Variants in COMMD1 observed in about 807,000 individuals in gnomAD.
COMMD1 encodes copper metabolism domain containing 1.
A neutral mutation model predicts 17.2 loss-of-function variants in COMMD1; 10 were observed. That is an observed-to-expected ratio of 0.58 (90% CI 0.36 to 0.99). The LOEUF (loss-of-function observed/expected upper bound fraction) is 0.99. COMMD1 is among the 50% of genes least tolerant of loss of function. COMMD1 has a pLI of 0.01. For missense variants in COMMD1, 270 were observed against 231.8 expected (o/e 1.17, Z -1.07); for synonymous variants, 97 against 91.6 (o/e 1.06, Z -0.34).
chr2:61,888,793 G>GA (rs1309121409), exon 1 of COMMD1: 3 of 481,002 alleles, frequency 6.2e-6, no homozygotes, highest in Non-Finnish European at 1.1e-5. Context: ...AGCGCCGGGG[G>GA]AACCTTTACG....
At chr2:62,047,079 A>G (rs1420303823) in intron 2 of COMMD1, among the ~76,000 whole-genome samples, 4 of 152,194 alleles carry the variant, frequency 2.6e-5, no homozygotes, top group Admixed American at 1.3e-4. Flanking sequence ...GTCCCTTACA[A>G]TCTGGTTGGG....
At chr2:62,020,353 G>A (rs1347545201) in intron 2 of COMMD1, among the ~76,000 whole-genome samples, 6 of 152,170 alleles carry the variant, frequency 3.9e-5, no homozygotes, top group Non-Finnish European at 5.9e-5. Context: ...AATTCATTAT[G>A]GCTCTTAGCT....
chr2:61,972,682 C>G (rs1452457102), intron 1 of COMMD1, among the ~76,000 whole-genome samples: 1 of 152,204 alleles, frequency 6.6e-6, no homozygotes, highest in South Asian at 2.1e-4. Flanking sequence ...AGGCAAACAT[C>G]AGGCAAATCT....
At chr2:62,103,876 T>C (rs1472400452) in intron 2 of COMMD1, among the ~76,000 whole-genome samples, 1 of 152,128 alleles carries the variant, frequency 6.6e-6, no homozygotes, top group Non-Finnish European at 1.5e-5. Context: ...GGTCTGGCTC[T>C]CTCACCCACG....
At chr2:62,078,606 T>C (rs962320763) in intron 2 of COMMD1, among the ~76,000 whole-genome samples, 3 of 146,026 alleles carry the variant, frequency 2.1e-5, no homozygotes, top group African/African-American at 7.6e-5. Flanking sequence ...CGGTGGCTCA[T>C]GCTTGTAATC....
At chr2:61,896,395 G>A (rs1669548801) in intron 1 of COMMD1, among the ~76,000 whole-genome samples, 1 of 151,894 alleles carries the variant, frequency 6.6e-6, no homozygotes, top group Non-Finnish European at 1.5e-5. Context: ...AGATCAGCCT[G>A]GGCAACATAG....
chr2:62,093,548 A>G, intron 2 of COMMD1, among the ~76,000 whole-genome samples: 1 of 152,182 alleles, frequency 6.6e-6, no homozygotes, highest in Non-Finnish European at 1.5e-5. Flanking sequence ...TGAGGGGTAG[A>G]TGCTTACTGA....
intron 1 of COMMD1, among the ~76,000 whole-genome samples, chr2:61,991,398 A>G (rs751529173): frequency 2.0e-5 from 3 of 152,218 alleles, no homozygotes; most frequent in Non-Finnish European, 2.9e-5. Flanking sequence ...TTGATACAGT[A>G]TGAATGCTTG....
At chr2:61,961,209 T>A (rs1165064233) in intron 1 of COMMD1, among the ~76,000 whole-genome samples, 1 of 152,250 alleles carries the variant, frequency 6.6e-6, no homozygotes, top group Non-Finnish European at 1.5e-5. Context: ...TCAGTAGCTG[T>A]CCAGCCACCA....
intron 1 of COMMD1, among the ~76,000 whole-genome samples, chr2:61,962,800 T>G (rs756433709): frequency 1.1e-4 from 16 of 152,142 alleles, no homozygotes; most frequent in Non-Finnish European, 1.9e-4. Flanking sequence ...TTTGGGCCCC[T>G]CCCAGACCTT....
intron 2 of COMMD1, among the ~76,000 whole-genome samples, chr2:62,106,760 C>T (rs912438070): frequency 1.3e-5 from 2 of 152,024 alleles, no homozygotes; most frequent in Admixed American, 6.5e-5. Context: ...CTGTATACTG[C>T]AGAAGTTTTC....
intron 2 of COMMD1, among the ~76,000 whole-genome samples, chr2:62,121,362 A>C (rs2104074567): frequency 2.1e-5 from 2 of 95,534 alleles, no homozygotes. Flanking sequence ...AGAGTGAGAG[A>C]CTCTTTCTCA....
chr2:62,134,261 G>A (rs1673125277), intron 2 of COMMD1, among the ~76,000 whole-genome samples: 1 of 152,188 alleles, frequency 6.6e-6, no homozygotes, highest in African/African-American at 2.4e-5. Context: ...CTTTTCAGTA[G>A]TTAGGAAAAT....
Position 61,951,742 on chromosome 2 carries a change from T to C in COMMD1, c.180+45884T>C, listed in dbSNP as rs147584606. On this transcript the variant is annotated intron_variant, in intron 1 of 2. Coordinates refer to ENST00000311832, the MANE Select transcript of COMMD1 (RefSeq NM_152516.4). The stretch of plus-strand genomic sequence containing the variant: ...GATATTCAACATGATAGCGAACATA[T>C]CTATCACTCCCAAAAATTTCTCCAG... 2.4e-4 allele frequency among the ~76,000 whole-genome samples: 36 copies of C among 152,272 alleles called. No individual in the cohort carries two copies. The East Asian group carries it at 6.6e-3, about 28-fold the overall frequency.
Position 62,001,104 on chromosome 2 carries a change from C to G in COMMD1, c.462+122C>G, listed in dbSNP as rs895001595. The G allele has an allele frequency of 1.5e-5, 15 of 996,926 alleles. No homozygotes were observed. In the East Asian group the frequency reaches 3.6e-4, roughly 24 times the overall value. The allele number at this position is 996,926 out of a possible 1,614,324, so 61.8% of individuals were successfully genotyped here. On this transcript the variant is annotated intron_variant, in intron 2 of 2. Coordinates refer to ENST00000311832, the MANE Select transcript of COMMD1 (RefSeq NM_152516.4). ...GGAAAAGACACTGTTTCCTAGAATC[C>G]TTTTTCAGAGGTAGAATCATCTGAA...
chr2:62,067,077 C>T (rs890660425), intron 2 of COMMD1, among the ~76,000 whole-genome samples: 5 of 151,810 alleles, frequency 3.3e-5, no homozygotes, highest in East Asian at 2.0e-4. Flanking sequence ...TCCTAGGTTC[C>T]GGCCGGGCAT....
chr2:62,127,550 TAGAGA>T (rs1558610843), intron 2 of COMMD1, among the ~76,000 whole-genome samples: 1 of 151,998 alleles, frequency 6.6e-6, no homozygotes, highest in African/African-American at 2.4e-5. Context: ...TGGAACAGAA[TAGAGA>T]ACCCAGAAAT....
At chr2:61,930,478 C>T (rs568925685) in intron 1 of COMMD1, among the ~76,000 whole-genome samples, 1 of 152,196 alleles carries the variant, frequency 6.6e-6, no homozygotes, top group South Asian at 2.1e-4. Flanking sequence ...ATTTCTTGAA[C>T]CTGTGAGGCG....
At chr2:62,030,469 C>T (rs13018818) in intron 2 of COMMD1, among the ~76,000 whole-genome samples, 4 of 152,174 alleles carry the variant, frequency 2.6e-5, no homozygotes, top group Non-Finnish European at 5.9e-5. Flanking sequence ...TCGCAGGTCT[C>T]TAGCCACTAG....
Sources: gnomAD v4.1 joint callset for allele counts (sites outside exome capture counted in the v4.1 genomes callset) on GRCh38, gnomAD v4.1.1 for gene constraint, MANE v1.5 for transcripts, NCBI Gene and HGNC (gene_info 2026-07-23, HGNC 2026-07-21) for gene names.